CFDP1: variants seen among roughly 807,000 people sequenced by gnomAD.
CFDP1 encodes chromatin remodeling protein CFDP1, also known as heterochromatin-stabilizing protein CFDP1.
Under a neutral mutation model 40.1 loss-of-function variants are expected in CFDP1, and 31 were observed. That is an observed-to-expected ratio of 0.77 (90% CI 0.58 to 1.04). The LOEUF is 1.04. Among genes scored for constraint, CFDP1 ranks in the 50% least tolerant of loss-of-function variants. The pLI, the probability that CFDP1 is intolerant of heterozygous loss-of-function variation, is 0.00. For missense variants in CFDP1, 423 were observed against 343.4 expected, an observed-to-expected ratio of 1.23 and a Z score of -1.83; for synonymous variants, 167 against 120.0, an observed-to-expected ratio of 1.39 and a Z score of -2.56.
At chr16:75,299,501 A>G (rs1365332672) in intron 6 of CFDP1, among the ~76,000 whole-genome samples, 1 of 151,792 alleles carries the variant, frequency 6.6e-6, no homozygotes, top group African/African-American at 2.4e-5. Flanking sequence ...AGGCTGAGGC[A>G]GGAGAATGGC....
chr16:75,353,995 A>G (rs1286878104), intron 5 of CFDP1, among the ~76,000 whole-genome samples: 1 of 152,100 alleles, frequency 6.6e-6, no homozygotes, highest in Non-Finnish European at 1.5e-5. Flanking sequence ...TGCCTTTATC[A>G]TGGTGTGAAA....
intron 5 of CFDP1, among the ~76,000 whole-genome samples, chr16:75,374,696 T>C (rs563288819): frequency 8.6e-5 from 13 of 151,980 alleles, no homozygotes; most frequent in Admixed American, 7.9e-4. Context: ...ACATACCTAG[T>C]TTAAAAACAT....
chr16:75,317,873 G>A (rs1474419113), intron 5 of CFDP1, among the ~76,000 whole-genome samples: 1 of 152,100 alleles, frequency 6.6e-6, no homozygotes, highest in Non-Finnish European at 1.5e-5. Context: ...CACTTTGGGA[G>A]GCTGAGGTGG....
At chr16:75,361,582 A>G (rs2078679509) in intron 5 of CFDP1, among the ~76,000 whole-genome samples, 1 of 152,104 alleles carries the variant, frequency 6.6e-6, no homozygotes, top group Non-Finnish European at 1.5e-5. Flanking sequence ...ATGCCACTGC[A>G]CTCCAGCCTG....
Position 75,305,099 on chromosome 16 carries a change from T to G in CFDP1, c.734A>C (p.Lys245Thr). The G allele has an allele frequency of 6.2e-7, 1 of 1,614,146 alleles. No individual in the cohort carries two copies. Among genetic ancestry groups the G allele is most frequent in the South Asian group, 1.1e-5 (1 of 91,090 alleles). The change falls in exon 6 of 7, where the codon AAA (lysine) becomes ACA (threonine). Residue 245 changes from lysine (K) to threonine (T), a missense_variant. By Grantham distance (78) the Lys-to-Thr change is moderately conservative. Coordinates refer to ENST00000283882, the MANE Select transcript of CFDP1 (RefSeq NM_006324.3). ...CTCCTTGAAGCTCTCCCAGTCCAGT[T>G]TGGACTTCTCAAGGGTGCTCATTTT... ...KQKMSTLEKS[K>T]LDWESFKEEE...
intron 3 of CFDP1, 98 bp downstream of exon 3, chr16:75,412,437 G>T: frequency 1.1e-6 from 1 of 894,172 alleles, no homozygotes; most frequent in Non-Finnish European, 1.8e-6. Context: ...TAGTACAATT[G>T]TTATCAAAAG....
At chr16:75,331,460 T>C (rs1383640446) in intron 5 of CFDP1, among the ~76,000 whole-genome samples, 2 of 152,128 alleles carry the variant, frequency 1.3e-5, no homozygotes, top group African/African-American at 4.8e-5. Context: ...CCATCAGTTT[T>C]GGCAAATGTA....
intron 4 of CFDP1, among the ~76,000 whole-genome samples, chr16:75,404,581 T>C (rs1246325182): frequency 6.6e-6 from 1 of 152,110 alleles, no homozygotes; most frequent in African/African-American, 2.4e-5. Context: ...CTGAGTCTCT[T>C]GATGGATGAG....
chr16:75,416,851 T>TACAGCC (rs58405066), intron 1 of CFDP1, among the ~76,000 whole-genome samples: 2 of 151,478 alleles, frequency 1.3e-5, no homozygotes, highest in Non-Finnish European at 3.0e-5. Context: ...GTGGAAACAA[T>TACAGCC]CAATATCCAA....
chr16:75,317,051 G>A (rs947130284), intron 5 of CFDP1, among the ~76,000 whole-genome samples: 6 of 152,002 alleles, frequency 3.9e-5, no homozygotes, highest in African/African-American at 1.4e-4. Context: ...CTAGAGAAAA[G>A]GCAAAAGGCT....
At chr16:75,356,553 C>G (rs919920073) in intron 5 of CFDP1, among the ~76,000 whole-genome samples, 6 of 152,054 alleles carry the variant, frequency 3.9e-5, no homozygotes, top group African/African-American at 1.4e-4. Flanking sequence ...CTTAAGGGCC[C>G]TAGGATTTTT....
At chr16:75,380,605 A>G (rs2078844568) in intron 5 of CFDP1, among the ~76,000 whole-genome samples, 1 of 152,230 alleles carries the variant, frequency 6.6e-6, no homozygotes, top group South Asian at 2.1e-4. Flanking sequence ...AAGAAAGTGT[A>G]TCTAAGCTTT....
At chr16:75,298,817 G>A (rs1188872357) in intron 6 of CFDP1, among the ~76,000 whole-genome samples, 1 of 152,116 alleles carries the variant, frequency 6.6e-6, no homozygotes, top group Non-Finnish European at 1.5e-5. Flanking sequence ...GGTTGTGCTG[G>A]TTCTGAAAGA....
intron 6 of CFDP1, among the ~76,000 whole-genome samples, chr16:75,304,429 C>T (rs1224157966): frequency 6.6e-6 from 1 of 152,152 alleles, no homozygotes; most frequent in Non-Finnish European, 1.5e-5. Context: ...AGGAAAGGAC[C>T]CTTTTTACAA....
chr16:75,358,988 G>A (rs536741899), intron 5 of CFDP1, among the ~76,000 whole-genome samples: 10 of 152,270 alleles, frequency 6.6e-5, no homozygotes, highest in East Asian at 5.8e-4. Flanking sequence ...CACATTTGGC[G>A]TAGTATCACA....
intron 5 of CFDP1, among the ~76,000 whole-genome samples, chr16:75,355,693 C>G (rs1278939014): frequency 1.6e-4 from 25 of 152,164 alleles, no homozygotes; most frequent in Non-Finnish European, 7.3e-5. Flanking sequence ...TTCCCCCATG[C>G]TGTTCTCATG....
intron 5 of CFDP1, among the ~76,000 whole-genome samples, chr16:75,392,621 C>T (rs1338884929): frequency 6.6e-6 from 1 of 152,152 alleles, no homozygotes; most frequent in African/African-American, 2.4e-5. Context: ...CCTCAGCCTC[C>T]TAGGTAGCTG....
At chr16:75,316,569 T>TGA (rs1491381576) in intron 5 of CFDP1, among the ~76,000 whole-genome samples, 1 of 26,580 alleles carries the variant, frequency 3.8e-5, no homozygotes, top group Non-Finnish European at 7.9e-5. Flanking sequence ...AGACCCTGTC[T>TGA]AAAAAAAAAA....
intron 6 of CFDP1, among the ~76,000 whole-genome samples, chr16:75,301,536 CTTTTTTTTTT>C (rs546724752): frequency 0.028 from 1,527 of 54,016 alleles, 41 homozygotes; most frequent in African/African-American, 0.097. Flanking sequence ...TTTGTTGTGT[CTTTTTTTTTT>C]TTTTTTTTTT....
Sources: gnomAD v4.1 joint callset for allele counts (sites outside exome capture counted in the v4.1 genomes callset) on GRCh38, gnomAD v4.1.1 for gene constraint, MANE v1.5 for transcripts, NCBI Gene and HGNC (gene_info 2026-07-23, HGNC 2026-07-21) for gene names.